MALT1: variants seen among roughly 807,000 people sequenced by gnomAD.
MALT1 encodes mucosa-associated lymphoid tissue lymphoma translocation protein 1.
MALT1 carries 36 observed loss-of-function variants against 85.5 expected under a neutral mutation model. The observed-to-expected ratio is 0.42, with a 90% CI of 0.32 to 0.56. MALT1 has a LOEUF of 0.56. MALT1 is among the 20% of genes least tolerant of loss of function. The probability of loss-of-function intolerance (pLI) is 0.10; values close to 1 mark genes in which losing one functional copy is unlikely to be tolerated. For synonymous variants in MALT1, 359 were observed against 361.3 expected, an observed-to-expected ratio of 0.99 and a Z score of 0.07; for missense variants, 716 against 981.6, an observed-to-expected ratio of 0.73 and a Z score of 3.62.
intron 8 of MALT1, among the ~76,000 whole-genome samples, chr18:58,715,509 A>G (rs539674864): frequency 1.2e-4 from 19 of 152,260 alleles, no homozygotes; most frequent in East Asian, 9.6e-4. Flanking sequence ...TTTTATGTAT[A>G]CTAGAGGGTG....
rs201310286 is a variant in MALT1, at chr18:58,715,950, C to G, written c.1001C>G (p.Thr334Arg). 6.2e-7 allele frequency: 1 copy of G among 1,605,072 alleles called. No individual in the cohort carries two copies. Among genetic ancestry groups the G allele is most frequent in the East Asian group, 2.2e-5 (1 of 44,760 alleles). ...NLGHPDNKEQTTDQPLAKDKV... is the reference protein window; with the variant it reads ...NLGHPDNKEQRTDQPLAKDKV... ...CTTTGTATAGATAATAAAGAGCAAA[C>G]AACTGACCAGCCTTTGGGTGAGTAG... is the stretch of plus-strand genomic sequence containing the variant. Residue 334 changes from threonine to arginine, a missense_variant, in exon 9 of 17, where the codon ACA becomes AGA. By Grantham distance (71) the Thr-to-Arg change is moderately conservative. Around this residue, in one of 4 missense-constraint regions of MALT1, gnomAD observed 290 missense variants for 380.5 expected, o/e 0.76. Coordinates refer to ENST00000649217, the MANE Select transcript of MALT1 (RefSeq NM_006785.4).
chr18:58,687,614 A>G (rs981749322), intron 2 of MALT1, among the ~76,000 whole-genome samples: 2 of 152,228 alleles, frequency 1.3e-5, no homozygotes, highest in African/African-American at 4.8e-5. Flanking sequence ...GTTGATAAAA[A>G]TCTTTTTTTG....
At chr18:58,739,675 T>G (rs2055274728) in intron 13 of MALT1, among the ~76,000 whole-genome samples, 1 of 152,188 alleles carries the variant, frequency 6.6e-6, no homozygotes, top group South Asian at 2.1e-4. Flanking sequence ...AGCCCGCCTC[T>G]GGGGCTCAAA....
At chr18:58,688,287 G>GTA (rs745478473) in intron 2 of MALT1, among the ~76,000 whole-genome samples, 1 of 119,706 alleles carries the variant, frequency 8.4e-6, no homozygotes, top group East Asian at 2.4e-4. Flanking sequence ...GCAATAAATT[G>GTA]TATATATATG....
intron 1 of MALT1, among the ~76,000 whole-genome samples, chr18:58,676,939 T>C (rs984308191): frequency 6.6e-6 from 1 of 152,160 alleles, no homozygotes; most frequent in African/African-American, 2.4e-5. Flanking sequence ...CCCTAAAGGG[T>C]GTATAATACA....
In MALT1 at chr18:58,681,352, A is replaced by C; in HGVS notation, c.376+16A>C. ...AGCCCCCCAGGTAGGTTTTGTTCTT[A>C]GGATTATTCTCCAGGAGTTCATGGA... is the stretch of plus-strand genomic sequence containing the variant. On this transcript the variant is annotated intron_variant, in intron 2 of 16. Coordinates refer to ENST00000649217, the MANE Select transcript of MALT1 (RefSeq NM_006785.4). The C allele has an allele frequency of 6.2e-7, 1 of 1,605,606 alleles. No individual in the cohort carries two copies. Among genetic ancestry groups the C allele is most frequent in the Non-Finnish European group, 8.5e-7 (1 of 1,175,876 alleles).
chr18:58,733,455 C>A lies in MALT1; in HGVS notation c.1281C>A (p.Pro427=). 1.2e-6 allele frequency: 2 copies of A among 1,613,438 alleles called. No homozygotes were observed. Among genetic ancestry groups the A allele is most frequent in the South Asian group, 2.2e-5 (2 of 90,986 alleles). ...YENFGNSFMV[P]VDAPNPYRSE... ...ATTTTGGGAACAGCTTCATGGTCCC[C>A]GTTGATGCTCCAAATCCATATAGGT... The change falls in exon 11 of 17, where the codon CCC becomes CCA. Residue 427 remains proline, a synonymous_variant. Transcript: ENST00000649217.
At position 58,745,689 on chromosome 18, in the gene MALT1, T is replaced by C. The variant is rs754420959; in HGVS notation, c.1935T>C (p.Asp645=). 1.9e-6 allele frequency: 3 copies of C among 1,613,410 alleles called. No homozygotes were observed. Among genetic ancestry groups the C allele is most frequent in the Non-Finnish European group, 2.5e-6 (3 of 1,179,632 alleles). The change falls in exon 16 of 17, where the codon GAT becomes GAC. Residue 645 remains aspartate, a synonymous_variant. Transcript: ENST00000649217. The stretch of plus-strand genomic sequence containing the variant: ...AGGATCTAGATATTGATCCAAAAGA[T>C]GCAAATAAAGGCACACCTGAAGAAA... ...FPLDLDIDPK[D]ANKGTPEETG... is the part of the protein sequence containing the mutation.
chr18:58,720,257 C>T (rs1432360415), intron 9 of MALT1, among the ~76,000 whole-genome samples: 3 of 152,096 alleles, frequency 2.0e-5, no homozygotes, highest in South Asian at 4.1e-4. Flanking sequence ...TTATATTTGC[C>T]GTCTTGAAGT....
chr18:58,734,494 C>T (rs187346079), intron 12 of MALT1, 113 bp downstream of exon 12: 294 of 779,344 alleles, frequency 3.8e-4, no homozygotes, highest in African/African-American at 3.3e-3. Flanking sequence ...AGTGCAGAGG[C>T]GCCATCATAG....
At chr18:58,692,977 T>A (rs999267381) in intron 2 of MALT1, among the ~76,000 whole-genome samples, 6 of 152,228 alleles carry the variant, frequency 3.9e-5, no homozygotes, top group African/African-American at 1.4e-4. Context: ...GCCTCATTTC[T>A]GTGAAGACAG....
At chr18:58,732,296 T>G (rs2055161674) in intron 10 of MALT1, among the ~76,000 whole-genome samples, 1 of 152,274 alleles carries the variant, frequency 6.6e-6, no homozygotes, top group East Asian at 1.9e-4. Flanking sequence ...GACTGATATT[T>G]TTGTTGTTTT....
chr18:58,712,648 A>G (rs891087068), intron 7 of MALT1, among the ~76,000 whole-genome samples: 1 of 152,162 alleles, frequency 6.6e-6, no homozygotes, highest in African/African-American at 2.4e-5. Context: ...GGTAACAGCT[A>G]TTTACCATGT....
At chr18:58,741,742 T>C (rs183562663) in intron 13 of MALT1, 123 bp from the exon 14 acceptor site, 50 of 534,152 alleles carry the variant, frequency 9.4e-5, no homozygotes, top group African/African-American at 8.7e-4. Context: ...TCAGGAAATA[T>C]TTGTTGAGTG....
chr18:58,700,738 G>T lies in MALT1; in HGVS notation c.649+147G>T, dbSNP rs1451527702. ...TTCATCCATTATAATGTCAACCATT[G>T]TTAAGATTTGATCCATGTGTTTTGT... On this transcript the variant is annotated intron_variant, in intron 4 of 16. Transcript: ENST00000649217. 5 of 623,660 alleles carry T rather than the reference G, an allele frequency of 8.0e-6. No homozygotes were observed. The East Asian group carries it at 1.7e-4, about 21-fold the overall frequency. The allele number at this position is 623,660 out of a possible 1,614,324, so 38.6% of individuals were successfully genotyped here.
chr18:58,721,875 A>T (rs1312487556), intron 9 of MALT1, among the ~76,000 whole-genome samples: 1 of 152,196 alleles, frequency 6.6e-6, no homozygotes, highest in Admixed American at 6.5e-5. Context: ...GTTGGTTACC[A>T]AGTCCTGGCC....
intron 4 of MALT1, among the ~76,000 whole-genome samples, chr18:58,703,752 G>A (rs1348039270): frequency 6.6e-6 from 1 of 151,996 alleles, no homozygotes; most frequent in Non-Finnish European, 1.5e-5. Flanking sequence ...ATTTGGGTGG[G>A]GACACAGCCA....
chr18:58,709,703 T>G, intron 5 of MALT1, 147 bp downstream of exon 5: 3 of 737,484 alleles, frequency 4.1e-6, no homozygotes, highest in Non-Finnish European at 4.2e-6. Context: ...TATGATTTCA[T>G]ATTAACTAGC....
rs959736857 is a variant in MALT1, at chr18:58,682,712, T to C, written c.376+1376T>C. ...GAACCACATGGATCACCAAACAAAA[T>C]TGAAACTATTAGAAGGAAAAAGGAA... On this transcript the variant is annotated intron_variant, in intron 2 of 16. Transcript: ENST00000649217. Among the ~76,000 whole-genome samples, 9 of 152,198 alleles carry C rather than the reference T, an allele frequency of 5.9e-5. No homozygotes were observed. In the South Asian group the frequency reaches 1.0e-3, roughly 18 times the overall value.
Sources: gnomAD v4.1 joint callset for allele counts (sites outside exome capture counted in the v4.1 genomes callset) on GRCh38, gnomAD v4.1.1 for gene constraint, gnomAD v4.1.1 regional missense constraint, MANE v1.5 for transcripts, NCBI Gene and HGNC (gene_info 2026-07-23, HGNC 2026-07-21) for gene names.